UBXN2B: variants seen among roughly 807,000 people sequenced by gnomAD.
UBXN2B encodes UBX domain-containing protein 2B.
Under a neutral mutation model 37.5 loss-of-function variants are expected in UBXN2B, and 19 were observed. The observed-to-expected ratio is 0.51, with a 90% CI of 0.35 to 0.74. The LOEUF (loss-of-function observed/expected upper bound fraction) is 0.74. Among genes scored for constraint, UBXN2B ranks in the 30% least tolerant of loss-of-function variants. The pLI, the probability that UBXN2B is intolerant of heterozygous loss-of-function variation, is 0.01. For synonymous variants in UBXN2B, 145 were observed against 143.8 expected (o/e 1.01, Z -0.06); for missense variants, 370 against 393.2 (o/e 0.94, Z 0.50).
chr8:58,423,445 T>C (rs1032565186), intron 2 of UBXN2B, among the ~76,000 whole-genome samples: 2 of 151,326 alleles, frequency 1.3e-5, no homozygotes, highest in African/African-American at 2.4e-5. Flanking sequence ...GTTGTTGTTT[T>C]TTTTTTTTGA....
chr8:58,439,350 A>G (rs1808489986), intron 5 of UBXN2B, among the ~76,000 whole-genome samples: 1 of 152,206 alleles, frequency 6.6e-6, no homozygotes, highest in Non-Finnish European at 1.5e-5. Flanking sequence ...TGATTTACAT[A>G]TAAATTGCTG....
intron 2 of UBXN2B, chr8:58,425,676 T>A: frequency 8.5e-7 from 1 of 1,174,332 alleles, no homozygotes; most frequent in South Asian, 1.2e-5. Context: ...TTTGCTTAGT[T>A]CTCGAATTCT....
intron 1 of UBXN2B, among the ~76,000 whole-genome samples, chr8:58,411,900 A>C (rs1807649055): frequency 6.6e-6 from 1 of 152,148 alleles, no homozygotes; most frequent in African/African-American, 2.4e-5. Context: ...TGCTTACTTA[A>C]ATATAAAAAT....
In UBXN2B at chr8:58,434,605, T is replaced by C. The variant is rs1808367032; in HGVS notation, c.533+101T>C. 4 of 983,504 alleles carry C rather than the reference T, an allele frequency of 4.1e-6. No homozygotes were observed. In the Admixed American group the frequency reaches 1.0e-4, roughly 25 times the overall value. 60.9% of individuals were successfully genotyped at this position (983,504 alleles called of 1,614,324 possible). On this transcript the variant is annotated intron_variant, in intron 5 of 7. Coordinates refer to ENST00000399598, the MANE Select transcript of UBXN2B (RefSeq NM_001077619.2). ...GCACTACGGGTTTTCAAGAAGTAGT[T>C]CCTGGAATATATTAAATAAATGGTT...
chr8:58,411,761 C>T (rs969976743), intron 1 of UBXN2B, among the ~76,000 whole-genome samples: 2 of 152,222 alleles, frequency 1.3e-5, no homozygotes, highest in Non-Finnish European at 2.9e-5. Flanking sequence ...GGTCGGTTCA[C>T]GGGTTGATGC....
At chr8:58,416,223 T>G (rs997910132) in intron 1 of UBXN2B, among the ~76,000 whole-genome samples, 2 of 152,104 alleles carry the variant, frequency 1.3e-5, no homozygotes, top group East Asian at 1.9e-4. Flanking sequence ...AATTCCATTT[T>G]AAGAACAAAT....
intron 2 of UBXN2B, among the ~76,000 whole-genome samples, chr8:58,422,269 C>A (rs1215205157): frequency 6.6e-6 from 1 of 152,174 alleles, no homozygotes; most frequent in Non-Finnish European, 1.5e-5. Flanking sequence ...GGCTGATACA[C>A]ATTTTGTTAG....
chr8:58,446,817 A>T (rs1264899360), intron 7 of UBXN2B, among the ~76,000 whole-genome samples: 2 of 4,382 alleles, frequency 4.6e-4, no homozygotes, highest in Non-Finnish European at 9.7e-4. Context: ...TTTTTTTTTG[A>T]GACAGAGTCT....
Position 58,447,676 on chromosome 8 carries a change from T to C in UBXN2B, c.*125T>C. On this transcript the variant is annotated 3_prime_UTR_variant, in exon 8 of 8. Coordinates refer to ENST00000399598, the MANE Select transcript of UBXN2B (RefSeq NM_001077619.2). Reference sequence around the variant, plus strand: ...TTTTTACAGATAAATTTTGGTTTTATTGTTATTCTGTCTTCCAATCTGAAT... The same window carrying C: ...TTTTTACAGATAAATTTTGGTTTTACTGTTATTCTGTCTTCCAATCTGAAT... 1 of 979,036 alleles carries C rather than the reference T, an allele frequency of 1.0e-6. No individual in the cohort carries two copies. Among genetic ancestry groups the C allele is most frequent in the Non-Finnish European group, 1.4e-6 (1 of 719,010 alleles). The allele number at this position is 979,036 out of a possible 1,614,324, so 60.6% of individuals were successfully genotyped here.
intron 2 of UBXN2B, among the ~76,000 whole-genome samples, chr8:58,421,954 G>T (rs1807936556): frequency 6.6e-6 from 1 of 152,220 alleles, no homozygotes; most frequent in Non-Finnish European, 1.5e-5. Context: ...TAAGCAACGG[G>T]CAGAGATGTT....
chr8:58,442,899 C>T (rs1017092102), intron 6 of UBXN2B, among the ~76,000 whole-genome samples: 1 of 152,226 alleles, frequency 6.6e-6, no homozygotes, highest in Non-Finnish European at 1.5e-5. Context: ...GTGCTTGCCA[C>T]TCTCACTTAC....
chr8:58,433,357 C>T, intron 4 of UBXN2B, 114 bp downstream of exon 4: 1 of 836,980 alleles, frequency 1.2e-6, no homozygotes, highest in Non-Finnish European at 1.8e-6. Flanking sequence ...CTTTTTAAAA[C>T]ATGGGTTAAA....
intron 6 of UBXN2B, among the ~76,000 whole-genome samples, chr8:58,445,035 A>G (rs562597095): frequency 5.7e-4 from 86 of 152,210 alleles, no homozygotes; most frequent in Non-Finnish European, 1.1e-3. Flanking sequence ...AACCATCTAA[A>G]TCTCAGAGTT....
chr8:58,412,590 A>G (rs1807666735), intron 1 of UBXN2B, among the ~76,000 whole-genome samples: 1 of 152,228 alleles, frequency 6.6e-6, no homozygotes, highest in African/African-American at 2.4e-5. Flanking sequence ...CAGTAGTAGT[A>G]AACAGTATCA....
At chr8:58,441,183 C>A (rs191831981) in intron 6 of UBXN2B, among the ~76,000 whole-genome samples, 2 of 151,386 alleles carry the variant, frequency 1.3e-5, no homozygotes, top group African/African-American at 4.9e-5. Context: ...TGTAGAGACA[C>A]GTGTCTTACT....
intron 5 of UBXN2B, among the ~76,000 whole-genome samples, chr8:58,438,301 C>T (rs1370414020): frequency 2.6e-5 from 4 of 152,230 alleles, no homozygotes; most frequent in African/African-American, 9.6e-5. Flanking sequence ...CCCACTGGTG[C>T]ACTGCCTAGT....
chr8:58,412,442 G>A (rs1382862623), intron 1 of UBXN2B, among the ~76,000 whole-genome samples: 1 of 152,210 alleles, frequency 6.6e-6, no homozygotes, highest in Non-Finnish European at 1.5e-5. Context: ...TGAATACTTA[G>A]CATAACATTT....
Position 58,446,067 on chromosome 8 carries a change from A to G in UBXN2B, c.832A>G (p.Arg278Gly). ...RLIQRFNSTH[R>G]ILDVRNFIVQ... is the part of the protein sequence containing the mutation. ...GATACAAAGATTCAATAGTACACAC[A>G]GGTAAGCTTCTTTACCAACAGTGTC... The change falls in exon 7 of 8, where the codon AGG (arginine) becomes GGG (glycine). Residue 278 changes from arginine (R) to glycine (G), a missense_variant and splice_region_variant. By Grantham distance (125) the Arg-to-Gly change is moderately radical (BLOSUM62 -2). Around this residue, in one of 3 missense-constraint regions of UBXN2B, gnomAD observed 83 missense variants for 83.5 expected, o/e 0.99. Transcript: ENST00000399598. 1 of 1,606,652 alleles carries G rather than the reference A, an allele frequency of 6.2e-7. No individual in the cohort carries two copies. The highest frequency in any genetic ancestry group is 8.5e-7 in the Non-Finnish European group (1 of 1,177,598).
intron 3 of UBXN2B, 55 bp from the exon 4 acceptor site, chr8:58,433,105 A>T: frequency 7.2e-7 from 1 of 1,394,760 alleles, no homozygotes; most frequent in Non-Finnish European, 1.0e-6. Context: ...ATCACATAAT[A>T]ACTTTTTGCT....
Sources: gnomAD v4.1 joint callset for allele counts (sites outside exome capture counted in the v4.1 genomes callset) on GRCh38, gnomAD v4.1.1 for gene constraint, gnomAD v4.1.1 regional missense constraint, MANE v1.5 for transcripts, NCBI Gene and HGNC (gene_info 2026-07-23, HGNC 2026-07-21) for gene names.